The following SEZ6 variants were observed in gnomAD, a reference collection of about 807,000 sequenced individuals.
The protein encoded by SEZ6 is seizure related 6 homolog.
A neutral mutation model predicts 101.0 loss-of-function variants in SEZ6; 53 were observed. The ratio of observed to expected loss-of-function variants is 0.52; its 90% CI spans 0.42 to 0.66. The LOEUF (loss-of-function observed/expected upper bound fraction) is 0.66, where lower values mean the gene tolerates loss of function less well. SEZ6 is among the 30% of genes least tolerant of loss of function. The probability of loss-of-function intolerance (pLI) is 0.00; values close to 1 mark genes in which losing one functional copy is unlikely to be tolerated. For missense variants in SEZ6, 1,102 were observed against 1,289.4 expected (o/e 0.85, Z 2.23); for synonymous variants, 488 against 512.2 (o/e 0.95, Z 0.64).
At chr17:28,958,991 G>C (rs1181061110) in intron 10 of SEZ6, 34 bp downstream of exon 10, 8 of 1,583,072 alleles carry the variant, frequency 5.1e-6, no homozygotes, top group African/African-American at 1.3e-5. Context: ...ATGGCTTGCT[G>C]TCTGCACTCT....
chr17:28,972,892 G>A (rs942495265), intron 3 of SEZ6, among the ~76,000 whole-genome samples: 2 of 152,222 alleles, frequency 1.3e-5, no homozygotes, highest in African/African-American at 4.8e-5. Context: ...GAAGAGAGGA[G>A]CACTGGGAGA....
At position 28,959,511 on chromosome 17, in the gene SEZ6, T is replaced by C; in HGVS notation, c.1772-39A>G. ...GAGGCCCAGAAGGGTCTTTTCAAGCTTACCATGGTGTTGCTTACCATCTGC... is the reference window on the plus strand; with the variant it reads ...GAGGCCCAGAAGGGTCTTTTCAAGCCTACCATGGTGTTGCTTACCATCTGC... On this transcript the variant is annotated intron_variant, in intron 8 of 16. Coordinates refer to ENST00000317338, the MANE Select transcript of SEZ6 (RefSeq NM_178860.5). This position sits in a 1 kb window ranked among gnomAD's most constrained non-coding sequence, Gnocchi z 4.4. 1.2e-6 allele frequency: 2 copies of C among 1,602,608 alleles called. No individual in the cohort carries two copies. The highest frequency in any genetic ancestry group is 1.7e-6 in the Non-Finnish European group (2 of 1,175,764).
chr17:28,995,490 C>T (rs1248496159), intron 1 of SEZ6, among the ~76,000 whole-genome samples: 3 of 152,148 alleles, frequency 2.0e-5, no homozygotes, highest in African/African-American at 7.2e-5. Context: ...GATTAATCGT[C>T]TCCATCCCGC....
intron 1 of SEZ6, among the ~76,000 whole-genome samples, chr17:28,987,700 A>G (rs2041402360): frequency 6.6e-6 from 1 of 151,982 alleles, no homozygotes; most frequent in African/African-American, 2.4e-5. Context: ...CCATTCACTT[A>G]CTCGGTGCCC....
At chr17:28,971,764 C>T (rs955349652) in intron 3 of SEZ6, among the ~76,000 whole-genome samples, 2 of 152,238 alleles carry the variant, frequency 1.3e-5, no homozygotes, top group African/African-American at 4.8e-5. Flanking sequence ...GGTTAAGTGG[C>T]ATCAGTGAGT....
chr17:28,963,917 C>T (rs892146881), intron 5 of SEZ6, 45 bp downstream of exon 5: 1 of 1,568,810 alleles, frequency 6.4e-7, no homozygotes, highest in Non-Finnish European at 8.6e-7. Context: ...GAGCCCCCAC[C>T]TCACTTCTCT....
intron 2 of SEZ6, 92 bp from the exon 3 acceptor site, chr17:28,979,905 GTGTGTGT>G (rs1567993910): frequency 7.6e-7 from 1 of 1,312,854 alleles, no homozygotes; most frequent in Non-Finnish European, 1.0e-6. Flanking sequence ...GTGTGTGTGT[GTGTGTGT>G]GTGTGTGTGT....
intron 4 of SEZ6, among the ~76,000 whole-genome samples, chr17:28,965,015 C>T (rs937696791): frequency 4.1e-4 from 62 of 149,964 alleles, no homozygotes; most frequent in African/African-American, 1.3e-3. Flanking sequence ...GAGATCACTC[C>T]ATTGCATTCC....
At position 28,959,876 on chromosome 17, in the gene SEZ6, A is replaced by G. The variant is rs1419885908; in HGVS notation, c.1593T>C (p.His531=). The G allele has an allele frequency of 1.9e-6, 3 of 1,610,738 alleles. No homozygotes were observed. The highest frequency in any genetic ancestry group is 2.5e-6 in the Non-Finnish European group (3 of 1,178,556). Residue 531 remains histidine (H), a synonymous_variant, in exon 8 of 17, where the codon CAT becomes CAC. Coordinates refer to ENST00000317338, the MANE Select transcript of SEZ6 (RefSeq NM_178860.5). The surrounding 1 kb of genome is among the most constrained non-coding windows in gnomAD (Gnocchi z 4.4). ...CGTATTTGACAAAGGGCTCATAGCA[A>G]TGGCCCTGCTGGAAGGCTGTAAACC... The part of the protein sequence containing the change: ...ALRYEAFQQG[H]CYEPFVKYGN...
chr17:28,984,762 C>T (rs1009798947), intron 1 of SEZ6, among the ~76,000 whole-genome samples: 1 of 152,218 alleles, frequency 6.6e-6, no homozygotes, highest in Non-Finnish European at 1.5e-5. Flanking sequence ...CCCTGGTTGA[C>T]TCTGTTGGAG....
At chr17:28,984,679 C>G (rs539590886) in intron 1 of SEZ6, among the ~76,000 whole-genome samples, 2 of 152,326 alleles carry the variant, frequency 1.3e-5, no homozygotes, top group South Asian at 4.1e-4. Context: ...CCAGCGGGTG[C>G]CACCCACTGT....
At chr17:28,996,300 G>C (rs747658040) in intron 1 of SEZ6, among the ~76,000 whole-genome samples, 2 of 152,068 alleles carry the variant, frequency 1.3e-5, no homozygotes, top group African/African-American at 2.4e-5. Flanking sequence ...CTCTCCCATC[G>C]GCAGGCAGGA....
chr17:28,982,177 C>T (rs376722954), intron 1 of SEZ6, 138 bp from the exon 2 acceptor site: 4 of 1,407,624 alleles, frequency 2.8e-6, no homozygotes, highest in Middle Eastern at 2.2e-4. Context: ...AATCACGGAA[C>T]TACAGAATTT....
Position 28,981,933 on chromosome 17 carries a change from G to A in SEZ6, c.162C>T (p.Gly54=), listed in dbSNP as rs370402837. Residue 54 remains glycine, a synonymous_variant, in exon 2 of 17, where the codon GGC becomes GGT. Coordinates refer to ENST00000317338, the MANE Select transcript of SEZ6 (RefSeq NM_178860.5). ...TGGGGGCTGTTGTGACAAAGTGGAC[G>A]CCTCGTTCTGGCTGCTCAGGTGTGG... ...AAPTPEQPER[G]VHFVTTAPTL... 6.1e-5 allele frequency: 99 copies of A among 1,613,842 alleles called. No individual in the cohort carries two copies. The highest frequency in any genetic ancestry group is 1.6e-4 in the Middle Eastern group (1 of 6,062).
chr17:28,976,008 G>C (rs1397750780), intron 3 of SEZ6, among the ~76,000 whole-genome samples: 1 of 152,224 alleles, frequency 6.6e-6, no homozygotes, highest in African/African-American at 2.4e-5. Context: ...GGGCTGTGAG[G>C]CTCATGCCCA....
chr17:28,968,335 GCCAGCTCTTCCAGC>G (rs1280570642), intron 4 of SEZ6, among the ~76,000 whole-genome samples: 1 of 152,242 alleles, frequency 6.6e-6, no homozygotes, highest in Non-Finnish European at 1.5e-5. Context: ...GCAGGACCAG[GCCAGCTCTTCCAGC>G]CCTTCCTTGG....
chr17:28,963,856 T>C, intron 5 of SEZ6, 106 bp downstream of exon 5: 1 of 1,392,812 alleles, frequency 7.2e-7, no homozygotes, highest in South Asian at 1.2e-5. Context: ...ATTTTCTGGC[T>C]TCCTTATGAA....
chr17:28,965,918 G>C (rs2041059194), intron 4 of SEZ6, among the ~76,000 whole-genome samples: 1 of 149,318 alleles, frequency 6.7e-6, no homozygotes, highest in Admixed American at 6.7e-5. Context: ...GTGGACGGAT[G>C]GCCTGAGGTC....
At chr17:28,958,200 C>G (rs562492011) in intron 10 of SEZ6, 59 bp from the exon 11 acceptor site, 6 of 1,537,390 alleles carry the variant, frequency 3.9e-6, no homozygotes, top group Non-Finnish European at 3.5e-6. Context: ...GACTGTCCCC[C>G]TCACCTTGAG....
Sources: allele counts gnomAD v4.1 joint callset (sites outside exome capture counted in the v4.1 genomes callset), GRCh38; gene constraint gnomAD v4.1.1; non-coding constraint Gnocchi (gnomAD v3.1); transcripts MANE v1.5; gene names NCBI Gene and HGNC (gene_info 2026-07-23, HGNC 2026-07-21).